Variants in ZDHHC21 observed in about 807,000 individuals in gnomAD.
ZDHHC21 encodes the protein zDHHC palmitoyltransferase 21, also known as palmitoyltransferase ZDHHC21.
A neutral mutation model predicts 34.6 loss-of-function variants in ZDHHC21; 15 were observed. The ratio of observed to expected loss-of-function variants is 0.43; its 90% CI spans 0.29 to 0.67. The LOEUF (loss-of-function observed/expected upper bound fraction) is 0.67. ZDHHC21 is among the 30% of genes least tolerant of loss of function. ZDHHC21 has a pLI of 0.14. For missense variants in ZDHHC21, 344 were observed against 327.7 expected (o/e 1.05, Z -0.38); for synonymous variants, 142 against 101.8 (o/e 1.40, Z -2.38).
chr9:14,642,189 T>C (rs1829492082), intron 7 of ZDHHC21, among the ~76,000 whole-genome samples: 1 of 152,194 alleles, frequency 6.6e-6, no homozygotes, highest in Non-Finnish European at 1.5e-5. Flanking sequence ...AAAACTTTAA[T>C]CTAGAAATTG....
chr9:14,682,339 G>A (rs987361806), intron 2 of ZDHHC21, among the ~76,000 whole-genome samples: 211 of 152,268 alleles, frequency 1.4e-3, no homozygotes, highest in Non-Finnish European at 2.4e-3. Context: ...TAAAGGGATG[G>A]AGGAAGATCT....
At chr9:14,607,714 A>T (rs1190899996), downstream of ZDHHC21, among the ~76,000 whole-genome samples, 1 of 152,210 alleles carries the variant, frequency 6.6e-6, no homozygotes, top group Non-Finnish European at 1.5e-5. Flanking sequence ...TGTTTACATA[A>T]AGTATAAAAA....
intron 2 of ZDHHC21, among the ~76,000 whole-genome samples, chr9:14,680,480 C>T (rs1475280800): frequency 6.6e-6 from 1 of 152,070 alleles, no homozygotes; most frequent in Non-Finnish European, 1.5e-5. Flanking sequence ...GACCACAAAT[C>T]ACAAAATAAC....
Position 14,659,133 on chromosome 9 carries a change from G to C in ZDHHC21, c.366-246C>G, listed in dbSNP as rs375267329. ...CCCCTTCAACTCATAACAACTCAGC[G>C]AGACAGGAAGAGCAGACGGTAGTCT... On this transcript the variant is annotated intron_variant, in intron 6 of 9. Transcript: ENST00000380916. 8.5e-5 allele frequency among the ~76,000 whole-genome samples: 13 copies of C among 152,206 alleles called. No individual in the cohort carries two copies. The South Asian group carries it at 1.2e-3, about 15-fold the overall frequency.
chr9:14,661,585 T>A (rs1203603479), intron 6 of ZDHHC21, among the ~76,000 whole-genome samples: 1 of 152,210 alleles, frequency 6.6e-6, no homozygotes, highest in Non-Finnish European at 1.5e-5. Flanking sequence ...CAATACAGAA[T>A]TCACGCAGCA....
chr9:14,677,566 T>C (rs1836648922), intron 3 of ZDHHC21: 1 of 152,160 alleles, frequency 6.6e-6, no homozygotes, highest in Non-Finnish European at 1.5e-5. Flanking sequence ...TAGCTGGAGA[T>C]TCTGACATAC....
chr9:14,650,365 T>A (rs1831021619), intron 7 of ZDHHC21, among the ~76,000 whole-genome samples: 1 of 151,968 alleles, frequency 6.6e-6, no homozygotes, highest in Non-Finnish European at 1.5e-5. Flanking sequence ...ATAATTTTCA[T>A]CTCATATCAA....
At chr9:14,607,404 C>CA (rs149573572), downstream of ZDHHC21, among the ~76,000 whole-genome samples, 10 of 149,950 alleles carry the variant, frequency 6.7e-5, 1 homozygote, top group Middle Eastern at 0.017. Context: ...ACCCTGTATC[C>CA]AAAAAAAAAG....
chr9:14,656,890 T>G (rs73644819), intron 7 of ZDHHC21, among the ~76,000 whole-genome samples: 7,000 of 152,116 alleles, frequency 0.046, 533 homozygotes, highest in African/African-American at 0.16. Flanking sequence ...CCACTTTTTA[T>G]ACTCACTTTT....
chr9:14,646,867 T>C (rs922646685), intron 7 of ZDHHC21, among the ~76,000 whole-genome samples: 2 of 152,184 alleles, frequency 1.3e-5, no homozygotes, highest in Non-Finnish European at 2.9e-5. Context: ...GTTTTGTCTC[T>C]CTTAGCAGTA....
chr9:14,649,104 A>T (rs938309900), intron 7 of ZDHHC21, among the ~76,000 whole-genome samples: 1 of 151,988 alleles, frequency 6.6e-6, no homozygotes, highest in Non-Finnish European at 1.5e-5. Context: ...GCACTCCCCT[A>T]GCTGCGACAA....
chr9:14,592,095 T>C, the ZDHHC21 span, among the ~76,000 whole-genome samples: 1 of 152,074 alleles, frequency 6.6e-6, no homozygotes, highest in African/African-American at 2.4e-5. Context: ...AATTAGTTTT[T>C]CTGTGTCTTA....
intron 3 of ZDHHC21, among the ~76,000 whole-genome samples, chr9:14,674,594 A>G (rs954743315): frequency 6.6e-6 from 1 of 152,038 alleles, no homozygotes; most frequent in Non-Finnish European, 1.5e-5. Flanking sequence ...AGGATATTCA[A>G]ATTTTATCAT....
At chr9:14,645,010 G>A (rs951940447) in intron 7 of ZDHHC21, among the ~76,000 whole-genome samples, 3 of 152,024 alleles carry the variant, frequency 2.0e-5, no homozygotes, top group African/African-American at 7.2e-5. Context: ...CTCCCAAGTG[G>A]GAGAAAACTG....
chr9:14,602,205 TA>T, the ZDHHC21 span, among the ~76,000 whole-genome samples: 35 of 151,210 alleles, frequency 2.3e-4, no homozygotes, highest in African/African-American at 7.5e-4. Flanking sequence ...ATGAATGAAA[TA>T]AAAAAATTCA....
downstream of ZDHHC21, among the ~76,000 whole-genome samples, chr9:14,608,704 T>C (rs527500206): frequency 6.6e-6 from 1 of 152,154 alleles, no homozygotes; most frequent in East Asian, 1.9e-4. Context: ...CCTTCCTCAG[T>C]ACTGTTTGCT....
the ZDHHC21 span, among the ~76,000 whole-genome samples, chr9:14,598,969 C>G: frequency 6.6e-6 from 1 of 152,056 alleles, no homozygotes; most frequent in Non-Finnish European, 1.5e-5. Context: ...CACCATGTCA[C>G]CCAGGATGGT....
chr9:14,660,372 CAAAAAAAAAAA>C (rs374162221), intron 6 of ZDHHC21, among the ~76,000 whole-genome samples: 14 of 58,802 alleles, frequency 2.4e-4, no homozygotes, highest in African/African-American at 3.1e-4. Context: ...GACTCCATCT[CAAAAAAAAAAA>C]AAAAAAAAAA....
At chr9:14,664,684 T>G (rs1471136930) in intron 5 of ZDHHC21, among the ~76,000 whole-genome samples, 2 of 151,828 alleles carry the variant, frequency 1.3e-5, no homozygotes, top group East Asian at 3.9e-4. Flanking sequence ...CCTCCTCAAG[T>G]GGGTCCCTGA....
Sources: allele counts gnomAD v4.1 joint callset (sites outside exome capture counted in the v4.1 genomes callset), GRCh38; gene constraint gnomAD v4.1.1; transcripts MANE v1.5; gene names NCBI Gene and HGNC (gene_info 2026-07-23, HGNC 2026-07-21).